Variants in CFAP47 observed in about 807,000 individuals in gnomAD.
CFAP47 encodes cilia- and flagella-associated protein 47.
In CFAP47, 29 loss-of-function variants were observed where a neutral mutation model predicts 148.1. That is an observed-to-expected ratio of 0.20 (90% CI 0.15 to 0.27). CFAP47 has a LOEUF of 0.27. CFAP47 is among the 10% of genes least tolerant of loss of function. The pLI is 1.00. For synonymous variants in CFAP47, 664 were observed against 577.3 expected, an observed-to-expected ratio of 1.15 and a Z score of -2.15; for missense variants, 1,872 against 1,697.5, an observed-to-expected ratio of 1.10 and a Z score of -1.81.
intron 62 of CFAP47, among the ~76,000 whole-genome samples, chrX:36,374,486 C>T (rs1237002462): frequency 9.0e-6 from 1 of 110,650 alleles, no homozygotes; most frequent in Non-Finnish European, 1.9e-5. Context: ...TTAAAATACT[C>T]TTTGTTTTGT....
intron 30 of CFAP47, among the ~76,000 whole-genome samples, chrX:36,096,599 TTC>T (rs1382668102): frequency 1.3e-4 from 15 of 111,316 alleles, no homozygotes; most frequent in Admixed American, 1.2e-3. Context: ...TATAATGACC[TTC>T]TTTGTTTCTT....
chrX:35,948,206 G>T, intron 3 of CFAP47, 108 bp from the exon 4 acceptor site: 2 of 684,822 alleles, frequency 2.9e-6, no homozygotes, highest in South Asian at 5.6e-5. Context: ...TGGGCCATGG[G>T]TTAGGCAAGC....
chrX:36,070,792 G>A (rs1489386744), intron 27 of CFAP47, among the ~76,000 whole-genome samples: 1 of 111,596 alleles, frequency 9.0e-6, no homozygotes, highest in African/African-American at 3.3e-5. Context: ...TCACCTGGCT[G>A]CAAAATCAGC....
In CFAP47 at chrX:36,071,871, C is replaced by T; in HGVS notation, c.4365C>T (p.Pro1455=). 8.3e-7 allele frequency: 1 copy of T among 1,204,738 alleles called. No homozygotes were observed. Among genetic ancestry groups the T allele is most frequent in the South Asian group, 1.8e-5 (1 of 56,540 alleles). ...AGACTAGAGATGGTGTTTTGCCTCC[C>T]TACCAGGATGCTAAACCACCCTCTC... ...LKKTRDGVLP[P]YQDAKPPSPA... is the part of the protein sequence containing the mutation. The change falls in exon 28 of 64, where the codon CCC becomes CCT. Residue 1455 remains proline (P), a synonymous_variant. Coordinates refer to ENST00000378653, the MANE Select transcript of CFAP47 (RefSeq NM_001304548.2).
At chrX:36,291,724 A>G (rs1427363456) in intron 51 of CFAP47, among the ~76,000 whole-genome samples, 1 of 111,208 alleles carries the variant, frequency 9.0e-6, no homozygotes. Flanking sequence ...TGTGTAATGT[A>G]TCTAAGCACT....
At position 36,039,019 on chromosome X, in the gene CFAP47, C is replaced by T; in HGVS notation, c.3847C>T (p.Leu1283Phe). The T allele has an allele frequency of 8.9e-7, 1 of 1,127,928 alleles. No individual in the cohort carries two copies. The highest frequency in any genetic ancestry group is 2.1e-5 in the South Asian group (1 of 48,603). 93.0% of individuals were successfully genotyped at this position (1,127,928 alleles called of 1,213,427 possible). A position where few individuals can be genotyped will look rare whatever the true frequency, so the allele number is the denominator to read the frequency against. Residue 1283 changes from leucine to phenylalanine, a missense_variant, in exon 25 of 64, where the codon CTT becomes TTT. Coordinates refer to ENST00000378653, the MANE Select transcript of CFAP47 (RefSeq NM_001304548.2). Reference sequence around the variant, plus strand: ...GACATACACAGCAGATATTCCTATGCTTTTAAATTATATTCCAGTTTGCTA... The same window carrying T: ...GACATACACAGCAGATATTCCTATGTTTTTAAATTATATTCCAGTTTGCTA... Reference protein sequence around the residue: ...PGTYTADIPMLLNYIPVCYKI... With the variant: ...PGTYTADIPMFLNYIPVCYKI...
chrX:36,168,143 T>C (rs1477386809), intron 39 of CFAP47, among the ~76,000 whole-genome samples: 1 of 111,978 alleles, frequency 8.9e-6, no homozygotes, highest in East Asian at 2.8e-4. Flanking sequence ...TGTCAATCTT[T>C]CCTGTTTGAT....
intron 51 of CFAP47, among the ~76,000 whole-genome samples, chrX:36,289,035 T>C (rs1426600010): frequency 2.0e-5 from 2 of 101,552 alleles, no homozygotes; most frequent in Non-Finnish European, 4.0e-5. Flanking sequence ...GGTTTTGCTC[T>C]TGTTGCTCAG....
chrX:36,192,089 C>T (rs1199184206), intron 42 of CFAP47, among the ~76,000 whole-genome samples: 1 of 111,358 alleles, frequency 9.0e-6, no homozygotes, highest in Non-Finnish European at 1.9e-5. Flanking sequence ...AACACTGTTA[C>T]GAAGCAAAGA....
rs1037709418 is a variant in CFAP47, at chrX:35,986,500, G to A, written c.2714-2819G>A. Among the ~76,000 whole-genome samples, 8 of 109,237 alleles carry A rather than the reference G, an allele frequency of 7.3e-5. No individual in the cohort carries two copies. In the East Asian group the frequency reaches 2.3e-3, roughly 32 times the overall value. The allele number at this position is 109,237 out of a possible 115,157, so 94.9% of individuals were successfully genotyped here. A position where few individuals can be genotyped will look rare whatever the true frequency, so the allele number is the denominator to read the frequency against. On this transcript the variant is annotated intron_variant, in intron 15 of 63. Transcript: ENST00000378653. ...TCTAAACTGGTTATTCTAGTTAACA[G>A]TTCCTCTAACCTTTTATCAAGGTTC...
chrX:36,369,106 G>T (rs1941906019), intron 62 of CFAP47, among the ~76,000 whole-genome samples: 1 of 111,228 alleles, frequency 9.0e-6, no homozygotes, highest in Non-Finnish European at 1.9e-5. Flanking sequence ...ATATATTTCT[G>T]CAAGCATTAA....
At chrX:36,268,816 A>G (rs934861693) in intron 49 of CFAP47, among the ~76,000 whole-genome samples, 2 of 112,183 alleles carry the variant, frequency 1.8e-5, no homozygotes, top group African/African-American at 3.2e-5. Context: ...TAGCAGTTAC[A>G]TAAGAATCAC....
intron 29 of CFAP47, among the ~76,000 whole-genome samples, chrX:36,080,102 C>T (rs1334285624): frequency 9.0e-6 from 1 of 111,373 alleles, no homozygotes; most frequent in East Asian, 2.8e-4. Flanking sequence ...CAAACAACCC[C>T]ATCAAAAAGT....
At chrX:36,184,952 A>C (rs782605012) in intron 40 of CFAP47, among the ~76,000 whole-genome samples, 31 of 110,927 alleles carry the variant, frequency 2.8e-4, no homozygotes, top group Non-Finnish European at 4.9e-4. Context: ...AAAAAAAAGA[A>C]AGCTGGATTC....
chrX:36,186,858 AT>A (rs371900122), intron 40 of CFAP47, among the ~76,000 whole-genome samples: 7,999 of 103,892 alleles, frequency 0.077, 235 homozygotes, highest in Middle Eastern at 0.13. Context: ...GTTCTACAGT[AT>A]TTTTTTTTTT....
chrX:35,958,619 C>T (rs1314989129), intron 8 of CFAP47, among the ~76,000 whole-genome samples: 1 of 111,517 alleles, frequency 9.0e-6, no homozygotes, highest in African/African-American at 3.3e-5. Context: ...TTTAAATATC[C>T]CCAGTAACTA....
intron 33 of CFAP47, among the ~76,000 whole-genome samples, chrX:36,118,349 A>C (rs1217129546): frequency 9.0e-6 from 1 of 111,666 alleles, no homozygotes; most frequent in African/African-American, 3.3e-5. Flanking sequence ...CATTTAAAAG[A>C]TATTTATTTC....
intron 57 of CFAP47, among the ~76,000 whole-genome samples, chrX:36,326,509 A>T (rs181596077): frequency 8.5e-4 from 95 of 112,187 alleles, no homozygotes; most frequent in African/African-American, 2.8e-3. Flanking sequence ...CAAAATGCTC[A>T]TAGTGATATG....
At chrX:36,175,948 C>T (rs867829112) in intron 39 of CFAP47, among the ~76,000 whole-genome samples, 71 of 112,643 alleles carry the variant, frequency 6.3e-4, no homozygotes, top group Middle Eastern at 4.6e-3. Flanking sequence ...TAGCAATCAG[C>T]GAGACTCCGT....
Sources: allele counts gnomAD v4.1 joint callset (sites outside exome capture counted in the v4.1 genomes callset), GRCh38; gene constraint gnomAD v4.1.1; transcripts MANE v1.5; gene names NCBI Gene and HGNC (gene_info 2026-07-23, HGNC 2026-07-21).